The following SSBP3 variants were observed in gnomAD, a reference collection of about 807,000 sequenced individuals.
SSBP3 encodes single stranded DNA binding protein 3, also known as single-stranded DNA-binding protein 3.
Under a neutral mutation model 69.6 loss-of-function variants are expected in SSBP3, and 5 were observed. The ratio of observed to expected loss-of-function variants is 0.07; its 90% CI spans 0.04 to 0.15. SSBP3 has a LOEUF of 0.15. SSBP3 is among the 10% of genes least tolerant of loss of function. The pLI, the probability that SSBP3 is intolerant of heterozygous loss-of-function variation, is 1.00. For synonymous variants in SSBP3, 196 were observed against 193.4 expected, an observed-to-expected ratio of 1.01 and a Z score of -0.11; for missense variants, 312 against 534.0, an observed-to-expected ratio of 0.58 and a Z score of 4.10.
At chr1:54,276,716 GT>G (rs1382274975) in intron 5 of SSBP3, among the ~76,000 whole-genome samples, 1 of 150,240 alleles carries the variant, frequency 6.7e-6, no homozygotes, top group East Asian at 2.0e-4. Context: ...CAGAGTAACT[GT>G]TGTGGAACAC....
chr1:54,228,109 G>A (rs1396242151), intron 17 of SSBP3, 146 bp downstream of exon 17: 17 of 787,104 alleles, frequency 2.2e-5, no homozygotes, highest in African/African-American at 1.9e-4. Flanking sequence ...GCACACTTCT[G>A]CTAAAAAAAT....
chr1:54,289,034 AAAC>A lies in SSBP3; in HGVS notation c.277-7510_277-7508del, dbSNP rs1645551140. Among the ~76,000 whole-genome samples, 2 of 52,346 alleles carry A rather than the reference AAAC, an allele frequency of 3.8e-5. 1 individual carries two copies. The allele number at this position is 52,346 out of a possible 152,430, so 34.3% of individuals were successfully genotyped here. On this transcript the variant is annotated intron_variant, in intron 4 of 17. Transcript: ENST00000610401. ...GACTCTGTCTCCAAAAAAAAAAAAA[AAAC>A]AAAAAAACAAAAAAAAAAAACAGTA... is the stretch of plus-strand genomic sequence containing the variant.
At chr1:54,293,364 A>C (rs927976136) in intron 4 of SSBP3, among the ~76,000 whole-genome samples, 1 of 152,194 alleles carries the variant, frequency 6.6e-6, no homozygotes, top group Non-Finnish European at 1.5e-5. Context: ...TCATCCACTG[A>C]GAATTCTGAC....
intron 4 of SSBP3, among the ~76,000 whole-genome samples, chr1:54,392,922 G>A (rs952298662): frequency 6.6e-6 from 1 of 152,212 alleles, no homozygotes; most frequent in African/African-American, 2.4e-5. Flanking sequence ...AAACAGAAGA[G>A]GGATGTCTTC....
chr1:54,306,218 C>A (rs1557515739), intron 4 of SSBP3, among the ~76,000 whole-genome samples: 1 of 152,056 alleles, frequency 6.6e-6, no homozygotes, highest in Admixed American at 6.6e-5. Flanking sequence ...TGGGTCCCTC[C>A]CAAGGAGTGA....
intron 4 of SSBP3, among the ~76,000 whole-genome samples, chr1:54,384,694 A>G (rs1404885267): frequency 6.6e-6 from 1 of 152,272 alleles, no homozygotes; most frequent in African/African-American, 2.4e-5. Flanking sequence ...ACTACAGCCC[A>G]GGAATCTCAG....
At chr1:54,231,397 C>A (rs908491848) in intron 14 of SSBP3, among the ~76,000 whole-genome samples, 4 of 152,206 alleles carry the variant, frequency 2.6e-5, no homozygotes, top group Non-Finnish European at 4.4e-5. Flanking sequence ...CTGAGTTTTT[C>A]TAAGAGTTCT....
At chr1:54,260,203 T>A (rs79518402) in intron 5 of SSBP3, among the ~76,000 whole-genome samples, 1 of 152,002 alleles carries the variant, frequency 6.6e-6, no homozygotes, top group Non-Finnish European at 1.5e-5. Context: ...AAAAGAAATA[T>A]GAAAAGAACA....
rs150376434 is a variant in SSBP3, at chr1:54,235,103, C to T, written c.927+4026G>A. On this transcript the variant is annotated intron_variant, in intron 14 of 17. Transcript: ENST00000610401. ...ACAACCCTTATACACAAAGTACCTC[C>T]GGTTTTACTTATAAGCACAGGTTTT... is the stretch of plus-strand genomic sequence containing the variant. Among the ~76,000 whole-genome samples the T allele has an allele frequency of 8.5e-5, 13 of 152,252 alleles. No homozygotes were observed. The East Asian group carries it at 1.7e-3, about 20-fold the overall frequency.
chr1:54,357,086 T>TAGGAAGGGAGGGAGGGAAGAC (rs1646880796), intron 4 of SSBP3, among the ~76,000 whole-genome samples: 1 of 151,092 alleles, frequency 6.6e-6, no homozygotes, highest in African/African-American at 2.4e-5. Context: ...GAAAGGCCCC[T>TAGGAAGGGAGGGAGGGAAGAC]AGGAAGGGAG....
intron 15 of SSBP3, 135 bp downstream of exon 15, chr1:54,228,613 T>C: frequency 6.8e-7 from 1 of 1,475,786 alleles, no homozygotes; most frequent in Non-Finnish European, 9.2e-7. Flanking sequence ...CTGTGCGGCA[T>C]CCCTCTCAGG....
intron 4 of SSBP3, among the ~76,000 whole-genome samples, chr1:54,369,909 C>T (rs1647100204): frequency 6.6e-6 from 1 of 152,152 alleles, no homozygotes; most frequent in Admixed American, 6.5e-5. Context: ...TCGGGATCCC[C>T]ATGTCCCATG....
chr1:54,345,411 A>C (rs1557550211), intron 4 of SSBP3, among the ~76,000 whole-genome samples: 1 of 152,242 alleles, frequency 6.6e-6, no homozygotes, highest in East Asian at 1.9e-4. Context: ...CCATCCAGGG[A>C]AAAGACCAAG....
intron 5 of SSBP3, among the ~76,000 whole-genome samples, chr1:54,264,363 G>A (rs3766431): frequency 0.41 from 62,927 of 152,070 alleles, 13,192 homozygotes; most frequent in South Asian, 0.48. Flanking sequence ...TTTTAAAGGA[G>A]AAAATAAGCT....
chr1:54,275,121 G>A (rs2100840554), intron 5 of SSBP3, among the ~76,000 whole-genome samples: 1 of 152,326 alleles, frequency 6.6e-6, no homozygotes, highest in African/African-American at 2.4e-5. Context: ...CTTGAGGGCA[G>A]GGTCCGTGGC....
At chr1:54,394,023 G>A (rs943472288) in intron 4 of SSBP3, among the ~76,000 whole-genome samples, 1 of 152,182 alleles carries the variant, frequency 6.6e-6, no homozygotes, top group Non-Finnish European at 1.5e-5. Flanking sequence ...GCCTCCCAAA[G>A]TGTTGGGATT....
chr1:54,235,284 T>G (rs1487661887), intron 14 of SSBP3, among the ~76,000 whole-genome samples: 55 of 68,034 alleles, frequency 8.1e-4, no homozygotes, highest in African/African-American at 1.9e-3. Flanking sequence ...TTTTTTTTTT[T>G]TTTTTTTTTT....
At chr1:54,348,219 A>G (rs1185389432) in intron 4 of SSBP3, among the ~76,000 whole-genome samples, 3 of 93,984 alleles carry the variant, frequency 3.2e-5, no homozygotes, top group Admixed American at 1.8e-4. Flanking sequence ...GTAACCCACA[A>G]GGTTTGGGAA....
intron 5 of SSBP3, among the ~76,000 whole-genome samples, chr1:54,272,197 T>C (rs1645205026): frequency 1.3e-5 from 2 of 152,120 alleles, no homozygotes; most frequent in African/African-American, 2.4e-5. Flanking sequence ...GGAGTTAACT[T>C]AGGCAGAAAC....
Sources: allele counts gnomAD v4.1 joint callset (sites outside exome capture counted in the v4.1 genomes callset), GRCh38; gene constraint gnomAD v4.1.1; transcripts MANE v1.5; gene names NCBI Gene and HGNC (gene_info 2026-07-23, HGNC 2026-07-21).